NLGN1: variants seen among roughly 807,000 people sequenced by gnomAD.
NLGN1 encodes neuroligin-1.
In NLGN1, 12 loss-of-function variants were observed where a neutral mutation model predicts 65.5. The ratio of observed to expected loss-of-function variants is 0.18; its 90% confidence interval spans 0.12 to 0.30. NLGN1 has a LOEUF of 0.30. Among genes scored for constraint, NLGN1 ranks in the 10% least tolerant of loss-of-function variants. NLGN1 has a pLI of 1.00. For synonymous variants in NLGN1, 350 were observed against 359.5 expected, an observed-to-expected ratio of 0.97 and a Z score of 0.30; for missense variants, 750 against 1,007.1, an observed-to-expected ratio of 0.74 and a Z score of 3.46.
At chr3:173,820,157 A>G (rs1376183572) in intron 4 of NLGN1, among the ~76,000 whole-genome samples, 4 of 142,914 alleles carry the variant, frequency 2.8e-5, no homozygotes, top group Admixed American at 7.2e-5. Flanking sequence ...CCAGCCTGGG[A>G]GAGAGAGCGA....
At chr3:173,572,138 A>C (rs1249968546) in intron 2 of NLGN1, among the ~76,000 whole-genome samples, 1 of 152,222 alleles carries the variant, frequency 6.6e-6, no homozygotes, top group Non-Finnish European at 1.5e-5. Context: ...TACAGAGTCT[A>C]AAACATGTCT....
intron 4 of NLGN1, among the ~76,000 whole-genome samples, chr3:173,870,488 A>T (rs748393663): frequency 6.6e-6 from 1 of 152,300 alleles, no homozygotes; most frequent in East Asian, 1.9e-4. Flanking sequence ...CGCCAAATTT[A>T]TCTCAGTTTT....
At chr3:173,747,898 C>T (rs893089819) in intron 3 of NLGN1, among the ~76,000 whole-genome samples, 1 of 145,532 alleles carries the variant, frequency 6.9e-6, no homozygotes, top group African/African-American at 2.6e-5. Flanking sequence ...ACTGGAACCT[C>T]CACCACCTGG....
chr3:174,050,290 T>C (rs1031896948), intron 4 of NLGN1, among the ~76,000 whole-genome samples: 2 of 152,120 alleles, frequency 1.3e-5, no homozygotes, highest in African/African-American at 4.8e-5. Flanking sequence ...AAGGTGTCAA[T>C]TTCTCTGGAG....
chr3:174,071,704 C>A (rs1026300405), intron 4 of NLGN1, among the ~76,000 whole-genome samples: 1 of 138,586 alleles, frequency 7.2e-6, no homozygotes, highest in Non-Finnish European at 1.5e-5. Context: ...AGACCCTTTG[C>A]GAGACCCTGT....
chr3:173,840,046 T>C lies in NLGN1; in HGVS notation c.646+32214T>C, dbSNP rs574739968. ...CTTAACCACTGTGCTATTTTACAAA[T>C]CGCAACATCGACATATTCAAGGAAC... On this transcript the variant is annotated intron_variant, in intron 4 of 6. Coordinates refer to ENST00000457714, the Ensembl canonical transcript of NLGN1. 5.3e-5 allele frequency among the ~76,000 whole-genome samples: 8 copies of C among 152,314 alleles called. No homozygotes were observed. In the East Asian group the frequency reaches 1.5e-3, roughly 29 times the overall value.
chr3:174,002,051 AT>A (rs1202952478), intron 4 of NLGN1, among the ~76,000 whole-genome samples: 6 of 145,338 alleles, frequency 4.1e-5, no homozygotes, highest in African/African-American at 1.0e-4. Flanking sequence ...ACCTAGACAG[AT>A]TTAAAAAAAA....
intron 4 of NLGN1, among the ~76,000 whole-genome samples, chr3:173,997,209 A>G (rs1001090262): frequency 6.6e-6 from 1 of 152,106 alleles, no homozygotes; most frequent in African/African-American, 2.4e-5. Flanking sequence ...TATTTTTGAA[A>G]CATAATTATC....
intron 4 of NLGN1, among the ~76,000 whole-genome samples, chr3:173,922,435 G>GC (rs1353139615): frequency 6.6e-6 from 1 of 151,948 alleles, no homozygotes; most frequent in Admixed American, 6.6e-5. Flanking sequence ...TTTTTAAAAA[G>GC]CTGTTTCTCA....
intron 4 of NLGN1, among the ~76,000 whole-genome samples, chr3:173,941,587 G>C (rs1746100811): frequency 6.6e-6 from 1 of 151,972 alleles, no homozygotes; most frequent in Non-Finnish European, 1.5e-5. Context: ...TATTATGCTG[G>C]ATGTTCAAAT....
intron 2 of NLGN1, among the ~76,000 whole-genome samples, chr3:173,490,598 A>T (rs1728957436): frequency 1.3e-5 from 2 of 152,170 alleles, no homozygotes; most frequent in Admixed American, 1.3e-4. Context: ...GTTCCATATG[A>T]ACTTTAAAGT....
intron 4 of NLGN1, among the ~76,000 whole-genome samples, chr3:173,973,870 T>C (rs2152379747): frequency 6.6e-6 from 1 of 152,136 alleles, no homozygotes; most frequent in South Asian, 2.1e-4. Context: ...ATTTGTGTTT[T>C]TCTGGTTACA....
chr3:173,647,126 T>C (rs1006452038), intron 3 of NLGN1, among the ~76,000 whole-genome samples: 2 of 152,056 alleles, frequency 1.3e-5, no homozygotes, highest in Middle Eastern at 6.3e-3. Context: ...AAGGGGTTAA[T>C]CCATCAAGAA....
chr3:173,806,582 A>G (rs576491094), intron 3 of NLGN1, among the ~76,000 whole-genome samples: 1 of 152,260 alleles, frequency 6.6e-6, no homozygotes, highest in Admixed American at 6.5e-5. Flanking sequence ...TTCTTTATGT[A>G]TATATTCAGA....
intron 4 of NLGN1, among the ~76,000 whole-genome samples, chr3:174,244,242 GAAGA>G (rs1743389739): frequency 6.6e-6 from 1 of 152,126 alleles, no homozygotes; most frequent in Admixed American, 6.6e-5. Flanking sequence ...GATTCTGAAA[GAAGA>G]AAGTATTCAT....
At chr3:174,278,048 C>T (rs1454162453) in intron 5 of NLGN1, among the ~76,000 whole-genome samples, 1 of 151,850 alleles carries the variant, frequency 6.6e-6, no homozygotes, top group Non-Finnish European at 1.5e-5. Flanking sequence ...CATATGGAAC[C>T]ATCATTTACA....
intron 4 of NLGN1, among the ~76,000 whole-genome samples, chr3:173,950,459 GT>G (rs1560707599): frequency 1.3e-5 from 2 of 152,156 alleles, no homozygotes; most frequent in African/African-American, 4.8e-5. Flanking sequence ...TAACAAATAC[GT>G]ATGTTTATGT....
intron 4 of NLGN1, among the ~76,000 whole-genome samples, chr3:174,102,978 C>T (rs1712889553): frequency 6.6e-6 from 1 of 152,128 alleles, no homozygotes; most frequent in African/African-American, 2.4e-5. Flanking sequence ...TACCATAAGG[C>T]ACACTGACAG....
intron 2 of NLGN1, among the ~76,000 whole-genome samples, chr3:173,537,506 GTT>G (rs1491581788): frequency 5.4e-4 from 82 of 151,260 alleles, no homozygotes; most frequent in African/African-American, 1.8e-3. Context: ...GTGTGTGTGT[GTT>G]TGTGTGTGTG....
Sources: gnomAD v4.1 joint callset for allele counts (sites outside exome capture counted in the v4.1 genomes callset) on GRCh38, gnomAD v4.1.1 for gene constraint, MANE v1.5 for transcripts, NCBI Gene and HGNC (gene_info 2026-07-23, HGNC 2026-07-21) for gene names.